TLL2: variants seen among roughly 807,000 people sequenced by gnomAD.
The protein encoded by TLL2 is tolloid-like protein 2.
In TLL2, 106 loss-of-function variants were observed where a neutral mutation model predicts 123.0. The observed-to-expected ratio is 0.86, with a 90% CI of 0.74 to 1.01. The LOEUF (loss-of-function observed/expected upper bound fraction) is 1.01. Ranked by LOEUF, TLL2 falls within the 50% of genes least tolerant of loss-of-function variation. The pLI is 0.00. For synonymous variants in TLL2, 494 were observed against 516.8 expected (o/e 0.96, Z 0.60); for missense variants, 1,332 against 1,336.7 (o/e 1.00, Z 0.06).
At chr10:96,453,231 G>A (rs573750060) in intron 2 of TLL2, among the ~76,000 whole-genome samples, 72 of 152,178 alleles carry the variant, frequency 4.7e-4, no homozygotes, top group African/African-American at 1.6e-3. Context: ...AGAGGCGGGC[G>A]GATCACGTGA....
chr10:96,473,836 A>T (rs961117497), intron 2 of TLL2, among the ~76,000 whole-genome samples: 3 of 152,158 alleles, frequency 2.0e-5, no homozygotes, highest in East Asian at 3.8e-4. Context: ...TGGGGAACAA[A>T]CAAACAAACA....
rs140559311 is a variant in TLL2, at chr10:96,431,616, G to A, written c.520+1191C>T. 4.6e-5 allele frequency among the ~76,000 whole-genome samples: 7 copies of A among 152,304 alleles called. No individual in the cohort carries two copies. The East Asian group carries it at 9.6e-4, about 21-fold the overall frequency. ...ATTTGCTACCTGCCTAGGATGTGCC[G>A]CGCCCTGCTCTAGGTGTTGGAGATA... On this transcript the variant is annotated intron_variant, in intron 4 of 20. Coordinates refer to ENST00000357947, the MANE Select transcript of TLL2 (RefSeq NM_012465.4).
chr10:96,466,593 A>C (rs1589429547), intron 2 of TLL2, among the ~76,000 whole-genome samples: 1 of 151,612 alleles, frequency 6.6e-6, no homozygotes. Flanking sequence ...GGCTTTCTTC[A>C]CCTCCTCTCT....
At chr10:96,489,166 C>T (rs1847387270) in intron 1 of TLL2, among the ~76,000 whole-genome samples, 1 of 152,310 alleles carries the variant, frequency 6.6e-6, no homozygotes, top group African/African-American at 2.4e-5. Flanking sequence ...GGTAATGCTG[C>T]TGCAGGAGAG....
At position 96,365,472 on chromosome 10, in the gene TLL2, C is replaced by T. The variant is rs1361603009; in HGVS notation, c.*2616G>A. 6.6e-6 allele frequency: 1 copy of T among 152,248 alleles called. No homozygotes were observed. Among genetic ancestry groups the T allele is most frequent in the Non-Finnish European group, 1.5e-5 (1 of 68,054 alleles). 9.4% of individuals were successfully genotyped at this position (152,248 alleles called of 1,614,324 possible). ...ACCCAGACCCCAAATCCTTCATTAG[C>T]CTGTTGTCCTAAGACAATTCTCTGA... On this transcript the variant is annotated 3_prime_UTR_variant, in exon 21 of 21. Transcript: ENST00000357947.
In TLL2 at chr10:96,480,490, T is replaced by A. The variant is rs766491359; in HGVS notation, c.176-31A>T. The stretch of plus-strand genomic sequence containing the variant: ...AAGGAAACACATAAGTGGGTGAATT[T>A]ATGCTAGAAGTCAAGAAAAATGGAT... On this transcript the variant is annotated intron_variant, in intron 1 of 20. Coordinates refer to ENST00000357947, the MANE Select transcript of TLL2 (RefSeq NM_012465.4). The A allele has an allele frequency of 2.6e-6, 4 of 1,561,928 alleles. No individual in the cohort carries two copies. In the South Asian group the frequency reaches 4.4e-5, roughly 17 times the overall value.
At chr10:96,454,123 CTT>C (rs199985300) in intron 2 of TLL2, among the ~76,000 whole-genome samples, 1 of 151,596 alleles carries the variant, frequency 6.6e-6, no homozygotes, top group African/African-American at 2.4e-5. Flanking sequence ...GTAATCCAAT[CTT>C]TTTTTTTCTG....
intron 5 of TLL2, among the ~76,000 whole-genome samples, 200 bp downstream of exon 5, chr10:96,428,431 T>A (rs1846700264): frequency 6.6e-6 from 1 of 152,208 alleles, no homozygotes; most frequent in Non-Finnish European, 1.5e-5. Flanking sequence ...CTGGTCTTCA[T>A]GGAGTCTCCT....
At chr10:96,469,903 G>T (rs1454124996) in intron 2 of TLL2, among the ~76,000 whole-genome samples, 2 of 152,176 alleles carry the variant, frequency 1.3e-5, no homozygotes, top group African/African-American at 4.8e-5. Context: ...AGGGAAGAGT[G>T]TGGGGAATGA....
chr10:96,485,451 C>CA (rs1847347427), intron 1 of TLL2, among the ~76,000 whole-genome samples: 1 of 151,982 alleles, frequency 6.6e-6, no homozygotes, highest in African/African-American at 2.4e-5. Context: ...AATTCAACAA[C>CA]AAAAAGGCAA....
Position 96,401,899 on chromosome 10 carries a change from G to A in TLL2, c.1267+3333C>T, listed in dbSNP as rs1355309862. On this transcript the variant is annotated intron_variant, in intron 10 of 20. Transcript: ENST00000357947. ...AGGAAGCCCAGTACATTTGAATTTC[G>A]GATAAACAACAAATAATGTATTTTA... 6.6e-5 allele frequency among the ~76,000 whole-genome samples: 10 copies of A among 152,230 alleles called. 2 individuals carry two copies. In the East Asian group the frequency reaches 1.7e-3, roughly 26 times the overall value.
At chr10:96,504,674 AG>A (rs1847562310) in intron 1 of TLL2, among the ~76,000 whole-genome samples, 1 of 152,142 alleles carries the variant, frequency 6.6e-6, no homozygotes, top group African/African-American at 2.4e-5. Context: ...AAAAATCACC[AG>A]GCTTTGAGTA....
chr10:96,466,518 G>A (rs1374105613), intron 2 of TLL2, among the ~76,000 whole-genome samples: 1 of 152,176 alleles, frequency 6.6e-6, no homozygotes, highest in Non-Finnish European at 1.5e-5. Context: ...TTCAGGTTGT[G>A]TCCTCAGCCC....
intron 18 of TLL2, among the ~76,000 whole-genome samples, chr10:96,375,572 C>T (rs1001293138): frequency 1.3e-5 from 2 of 152,200 alleles, no homozygotes; most frequent in African/African-American, 4.8e-5. Flanking sequence ...CACCCAGATT[C>T]AAGGCTGACC....
At chr10:96,378,758 A>G (rs1846159453) in intron 17 of TLL2, among the ~76,000 whole-genome samples, 1 of 152,220 alleles carries the variant, frequency 6.6e-6, no homozygotes, top group African/African-American at 2.4e-5. Flanking sequence ...CAAAAATAAC[A>G]GCCTAGAGCA....
At chr10:96,430,696 T>TG (rs1185900645) in intron 4 of TLL2, among the ~76,000 whole-genome samples, 1 of 152,180 alleles carries the variant, frequency 6.6e-6, no homozygotes, top group Non-Finnish European at 1.5e-5. Context: ...GGCAACATGG[T>TG]GAAACCCTGT....
At chr10:96,472,015 G>A (rs1263349938) in intron 2 of TLL2, among the ~76,000 whole-genome samples, 1 of 152,080 alleles carries the variant, frequency 6.6e-6, no homozygotes, top group East Asian at 1.9e-4. Flanking sequence ...GAGAAAAGAG[G>A]CCACCAGGAC....
intron 16 of TLL2, among the ~76,000 whole-genome samples, chr10:96,379,504 G>A (rs964303523): frequency 3.9e-5 from 6 of 152,174 alleles, no homozygotes; most frequent in Non-Finnish European, 8.8e-5. Flanking sequence ...TTAGCAGGGA[G>A]CTGTCTATCT....
intron 7 of TLL2, among the ~76,000 whole-genome samples, chr10:96,415,733 C>CTG (rs1564902698): frequency 2.5e-5 from 2 of 81,414 alleles, no homozygotes; most frequent in Non-Finnish European, 4.8e-5. Flanking sequence ...CTCTCTGTCT[C>CTG]TCTCTGTCTC....
Sources: allele counts gnomAD v4.1 joint callset (sites outside exome capture counted in the v4.1 genomes callset), GRCh38; gene constraint gnomAD v4.1.1; transcripts MANE v1.5; gene names NCBI Gene and HGNC (gene_info 2026-07-23, HGNC 2026-07-21).